The following ACSL4 variants were observed in gnomAD, a reference collection of about 807,000 sequenced individuals.
The protein encoded by ACSL4 is long-chain-fatty-acid--CoA ligase 4.
A neutral mutation model predicts 49.1 loss-of-function variants in ACSL4; 9 were observed. The observed-to-expected ratio is 0.18, with a 90% CI of 0.11 to 0.32. The LOEUF is 0.32. ACSL4 is among the 10% of genes least tolerant of loss of function. ACSL4 has a pLI of 1.00. For missense variants in ACSL4, 333 were observed against 493.7 expected (o/e 0.67, Z 3.08); for synonymous variants, 191 against 170.3 (o/e 1.12, Z -0.95).
At chrX:109,701,836 G>C (rs1378638462) in intron 1 of ACSL4, among the ~76,000 whole-genome samples, 1 of 97,885 alleles carries the variant, frequency 1.0e-5, no homozygotes, top group African/African-American at 3.7e-5. Flanking sequence ...GAGCCACTCC[G>C]CCTGGCTAAC....
chrX:109,655,576 G>A (rs1366230865), intron 15 of ACSL4, among the ~76,000 whole-genome samples: 2 of 110,888 alleles, frequency 1.8e-5, no homozygotes, highest in East Asian at 5.6e-4. Flanking sequence ...ACAGGGTGGG[G>A]GGAATTATGG....
chrX:109,645,374 G>A lies in ACSL4; in HGVS notation c.1856-1188C>T, dbSNP rs755159018. On this transcript the variant is annotated intron_variant, in intron 15 of 15. Transcript: ENST00000672401. Reference sequence around the variant, plus strand: ...AGTGGGTCCCTGACCCCTGACCCCCGAGCAGCCTAAATGGGAGGCACCCCC... The same window carrying A: ...AGTGGGTCCCTGACCCCTGACCCCCAAGCAGCCTAAATGGGAGGCACCCCC... 5.3e-5 allele frequency among the ~76,000 whole-genome samples: 6 copies of A among 112,224 alleles called. No individual in the cohort carries two copies. The East Asian group carries it at 8.4e-4, about 16-fold the overall frequency.
At chrX:109,659,533 T>C (rs1196172141) in intron 14 of ACSL4, 22 bp from the exon 15 acceptor site, 13 of 1,119,661 alleles carry the variant, frequency 1.2e-5, no homozygotes, top group Non-Finnish European at 1.6e-5. Flanking sequence ...GAAAATAAAA[T>C]AGAAATGAAA....
intron 2 of ACSL4, among the ~76,000 whole-genome samples, chrX:109,692,520 C>T (rs907093944): frequency 2.7e-5 from 3 of 111,791 alleles, no homozygotes; most frequent in African/African-American, 9.7e-5. Context: ...CTTTATTAAA[C>T]ATAATGAAAA....
At chrX:109,717,185 G>A (rs924417742) in intron 1 of ACSL4, among the ~76,000 whole-genome samples, 4 of 110,926 alleles carry the variant, frequency 3.6e-5, no homozygotes, top group Admixed American at 9.8e-5. Flanking sequence ...ATGTGACCGC[G>A]TCTTACAAGC....
intron 13 of ACSL4, among the ~76,000 whole-genome samples, chrX:109,662,874 G>A (rs993263303): frequency 1.8e-5 from 2 of 111,455 alleles, no homozygotes; most frequent in Non-Finnish European, 3.8e-5. Context: ...GACGTCCTCT[G>A]AGCTCTTTTT....
At chrX:109,694,519 G>A (rs1335925431) in intron 2 of ACSL4, among the ~76,000 whole-genome samples, 1 of 111,498 alleles carries the variant, frequency 9.0e-6, no homozygotes, top group Non-Finnish European at 1.9e-5. Flanking sequence ...TTAGTGGGGG[G>A]AAATGACACA....
chrX:109,672,784 G>A (rs1015303391), intron 9 of ACSL4, among the ~76,000 whole-genome samples: 1 of 110,265 alleles, frequency 9.1e-6, no homozygotes, highest in African/African-American at 3.3e-5. Context: ...AGTGTCATTG[G>A]AACCTGGATG....
intron 15 of ACSL4, among the ~76,000 whole-genome samples, chrX:109,654,454 T>C (rs755811718): frequency 1.8e-5 from 2 of 111,783 alleles, no homozygotes; most frequent in Non-Finnish European, 3.8e-5. Flanking sequence ...GAAGAGTATA[T>C]AGTTTTTCTC....
At chrX:109,709,673 A>G (rs889062861) in intron 1 of ACSL4, among the ~76,000 whole-genome samples, 1 of 112,819 alleles carries the variant, frequency 8.9e-6, no homozygotes, top group Non-Finnish European at 1.9e-5. Context: ...GTATAATAAT[A>G]CAACAGAATA....
chrX:109,645,369 C>A (rs1355513258), intron 15 of ACSL4, among the ~76,000 whole-genome samples: 15 of 111,904 alleles, frequency 1.3e-4, no homozygotes, highest in Non-Finnish European at 2.3e-4. Flanking sequence ...TGACCCCTGA[C>A]CCCCGAGCAG....
At position 109,659,610 on chromosome X, in the gene ACSL4, A is replaced by G. The variant is rs759246449; in HGVS notation, c.1698-99T>C. 2.8e-5 allele frequency: 15 copies of G among 534,021 alleles called. No individual in the cohort carries two copies. In the South Asian group the frequency reaches 4.7e-4, roughly 17 times the overall value. The allele number at this position is 534,021 out of a possible 1,213,427, so 44.0% of individuals were successfully genotyped here. A position where few individuals can be genotyped will look rare whatever the true frequency, so the allele number is the denominator to read the frequency against. On this transcript the variant is annotated intron_variant, in intron 14 of 15. Transcript: ENST00000672401. ...ACAGTACAGATAATTCCAAATATAT[A>G]TTTCTCTTATTTATTAAAGTTTCAT...
At chrX:109,704,344 C>A (rs1255668298) in intron 1 of ACSL4, among the ~76,000 whole-genome samples, 2 of 112,148 alleles carry the variant, frequency 1.8e-5, no homozygotes, top group Non-Finnish European at 3.8e-5. Flanking sequence ...TAGACCCATT[C>A]TCTTCATCTA....
At chrX:109,647,739 G>T (rs1197570711) in intron 15 of ACSL4, among the ~76,000 whole-genome samples, 1 of 111,163 alleles carries the variant, frequency 9.0e-6, no homozygotes, top group Non-Finnish European at 1.9e-5. Flanking sequence ...CCAGGAGGTG[G>T]TTTTTTGAAA....
chrX:109,654,497 G>A (rs1319648310), intron 15 of ACSL4, among the ~76,000 whole-genome samples: 1 of 111,730 alleles, frequency 9.0e-6, no homozygotes, highest in Non-Finnish European at 1.9e-5. Flanking sequence ...AAATTGTTTA[G>A]AATAATTTAA....
intron 1 of ACSL4, among the ~76,000 whole-genome samples, chrX:109,720,218 T>G (rs183174073): frequency 1.7e-3 from 188 of 108,989 alleles, no homozygotes; most frequent in Admixed American, 0.014. Context: ...TAATCCCAGC[T>G]ACTCGGGAGG....
intron 15 of ACSL4, among the ~76,000 whole-genome samples, chrX:109,648,230 A>AT (rs1190301051): frequency 6.3e-5 from 7 of 111,499 alleles, no homozygotes; most frequent in Non-Finnish European, 9.4e-5. Flanking sequence ...AAAAAAGAGA[A>AT]TTTTAGACCA....
intron 2 of ACSL4, among the ~76,000 whole-genome samples, chrX:109,693,657 C>T (rs979850776): frequency 3.6e-5 from 4 of 111,966 alleles, no homozygotes; most frequent in African/African-American, 1.3e-4. Flanking sequence ...CTGGCTTATG[C>T]TTCAGTAAGA....
chrX:109,683,675 G>A (rs1160745385), intron 2 of ACSL4: 1 of 411,083 alleles, frequency 2.4e-6, no homozygotes, highest in Non-Finnish European at 4.2e-6. Context: ...GCCTGTAGGT[G>A]ATGACAATGA....
Sources: gnomAD v4.1 joint callset for allele counts (sites outside exome capture counted in the v4.1 genomes callset) on GRCh38, gnomAD v4.1.1 for gene constraint, MANE v1.5 for transcripts, NCBI Gene and HGNC (gene_info 2026-07-23, HGNC 2026-07-21) for gene names.